The following MSI2 variants were observed in gnomAD, a reference collection of about 807,000 sequenced individuals.
MSI2 encodes the protein RNA-binding protein Musashi homolog 2.
A neutral mutation model predicts 45.6 loss-of-function variants in MSI2; 17 were observed. The observed-to-expected ratio is 0.37, with a 90% CI of 0.26 to 0.56. The LOEUF (loss-of-function observed/expected upper bound fraction) is 0.56. Among genes scored for constraint, MSI2 ranks in the 20% least tolerant of loss-of-function variants. MSI2 has a pLI of 0.77. For synonymous variants in MSI2, 156 were observed against 158.2 expected, an observed-to-expected ratio of 0.99 and a Z score of 0.11; for missense variants, 293 against 444.2, an observed-to-expected ratio of 0.66 and a Z score of 3.06.
intron 7 of MSI2, among the ~76,000 whole-genome samples, chr17:57,558,287 G>T (rs892129329): frequency 3.3e-5 from 5 of 152,074 alleles, no homozygotes; most frequent in African/African-American, 1.2e-4. Context: ...TCTAAAAATG[G>T]CCCCGAGAAC....
At chr17:57,527,432 C>A (rs1035942880) in intron 6 of MSI2, among the ~76,000 whole-genome samples, 2 of 151,168 alleles carry the variant, frequency 1.3e-5, no homozygotes, top group Non-Finnish European at 2.9e-5. Flanking sequence ...GGTGGAACGG[C>A]TGTTGTGTGT....
chr17:57,566,911 A>G (rs565161337), intron 7 of MSI2, among the ~76,000 whole-genome samples: 21 of 152,332 alleles, frequency 1.4e-4, no homozygotes, highest in African/African-American at 3.8e-4. Flanking sequence ...GGGAGGTGGC[A>G]GGATTTAATA....
At chr17:57,440,110 T>C (rs991399562) in intron 6 of MSI2, among the ~76,000 whole-genome samples, 3 of 152,156 alleles carry the variant, frequency 2.0e-5, no homozygotes, top group African/African-American at 7.2e-5. Flanking sequence ...CTAGAAGCCA[T>C]GCAAGGCAGT....
intron 5 of MSI2, among the ~76,000 whole-genome samples, chr17:57,365,718 G>A (rs1320431162): frequency 5.9e-5 from 9 of 152,250 alleles, no homozygotes; most frequent in Non-Finnish European, 1.2e-4. Flanking sequence ...GAGAAAGGCT[G>A]GCAATGAGCA....
intron 5 of MSI2, among the ~76,000 whole-genome samples, chr17:57,320,471 G>C (rs80207263): frequency 0.047 from 7,202 of 152,226 alleles, 526 homozygotes; most frequent in African/African-American, 0.16. Context: ...TAGGTATGCT[G>C]GGGCTGTTTT....
Position 57,315,273 on chromosome 17 carries a change from A to C in MSI2, c.312+53081A>C, listed in dbSNP as rs958124987. Among the ~76,000 whole-genome samples, 4 of 152,130 alleles carry C rather than the reference A, an allele frequency of 2.6e-5. No homozygotes were observed. The East Asian group carries it at 7.7e-4, about 29-fold the overall frequency. ...TGTCCTGGTGTCCTTTGCCTGGGGC[A>C]GGTCAGGCGAGTAAAGGAGAAACAC... is the stretch of plus-strand genomic sequence containing the variant. On this transcript the variant is annotated intron_variant, in intron 5 of 13. Coordinates refer to ENST00000284073, the MANE Select transcript of MSI2 (RefSeq NM_138962.4).
intron 11 of MSI2, among the ~76,000 whole-genome samples, chr17:57,662,294 G>A (rs1912047385): frequency 6.6e-6 from 1 of 152,188 alleles, no homozygotes; most frequent in African/African-American, 2.4e-5. Context: ...TATAGGCTAA[G>A]AGGGTTCCAG....
intron 11 of MSI2, among the ~76,000 whole-genome samples, chr17:57,661,057 G>A (rs1352468682): frequency 6.6e-6 from 1 of 152,210 alleles, no homozygotes; most frequent in Non-Finnish European, 1.5e-5. Flanking sequence ...CGTGTACATT[G>A]TAAACACTCC....
chr17:57,263,438 C>G (rs554830235), intron 5 of MSI2: 23 of 152,194 alleles, frequency 1.5e-4, no homozygotes, highest in African/African-American at 5.3e-4. Context: ...TGGAATTGCC[C>G]TTATTGTTTT....
intron 5 of MSI2, among the ~76,000 whole-genome samples, chr17:57,306,678 G>A (rs1253108852): frequency 6.6e-6 from 1 of 152,236 alleles, no homozygotes; most frequent in Non-Finnish European, 1.5e-5. Context: ...TGTCATCGCT[G>A]TTCACATGCT....
intron 5 of MSI2, among the ~76,000 whole-genome samples, chr17:57,379,481 CTT>C (rs78899938): frequency 2.8e-4 from 38 of 134,638 alleles, no homozygotes; most frequent in Non-Finnish European, 3.4e-4. Flanking sequence ...TTTCTTTCTT[CTT>C]TTTTTTTTTT....
chr17:57,543,276 A>AG (rs59813540), intron 7 of MSI2, among the ~76,000 whole-genome samples: 36 of 152,250 alleles, frequency 2.4e-4, no homozygotes, highest in African/African-American at 6.5e-4. Flanking sequence ...CTGGCTTAAG[A>AG]GGGGGGGAAA....
chr17:57,592,179 A>G (rs1904900347), intron 7 of MSI2, among the ~76,000 whole-genome samples: 1 of 152,094 alleles, frequency 6.6e-6, no homozygotes, highest in Non-Finnish European at 1.5e-5. Context: ...CTCCAAAAAA[A>G]AAAAAAAGGC....
intron 5 of MSI2, among the ~76,000 whole-genome samples, chr17:57,302,901 GC>G (rs1409596464): frequency 5.3e-5 from 8 of 152,210 alleles, no homozygotes; most frequent in African/African-American, 1.9e-4. Context: ...TTGGGGGACA[GC>G]CCCAGGCAAA....
chr17:57,533,493 G>A (rs1427637511), intron 7 of MSI2, among the ~76,000 whole-genome samples: 1 of 152,190 alleles, frequency 6.6e-6, no homozygotes, highest in East Asian at 1.9e-4. Context: ...AAGAGACCTG[G>A]GATTGATGAG....
At chr17:57,260,521 A>G (rs1907209584) in intron 4 of MSI2, among the ~76,000 whole-genome samples, 2 of 152,124 alleles carry the variant, frequency 1.3e-5, no homozygotes, top group African/African-American at 4.8e-5. Flanking sequence ...CCCTCTGGGG[A>G]GTATTTATAA....
intron 6 of MSI2, among the ~76,000 whole-genome samples, chr17:57,482,219 C>T (rs887517568): frequency 6.6e-6 from 1 of 152,218 alleles, no homozygotes; most frequent in Non-Finnish European, 1.5e-5. Context: ...GAGTCAGAAT[C>T]TGTTTAAGAA....
chr17:57,312,077 G>A (rs1015407814), intron 5 of MSI2, among the ~76,000 whole-genome samples: 8 of 152,206 alleles, frequency 5.3e-5, no homozygotes, highest in Admixed American at 3.9e-4. Context: ...CTGTGTTCAG[G>A]TCGGAGACAG....
At chr17:57,551,849 A>ATTTT in intron 7 of MSI2, among the ~76,000 whole-genome samples, 1 of 152,116 alleles carries the variant, frequency 6.6e-6, no homozygotes, top group East Asian at 1.9e-4. Context: ...ACTAGAGGTG[A>ATTTT]TTTTATGTGC....
Sources: allele counts gnomAD v4.1 joint callset (sites outside exome capture counted in the v4.1 genomes callset), GRCh38; gene constraint gnomAD v4.1.1; transcripts MANE v1.5; gene names NCBI Gene and HGNC (gene_info 2026-07-23, HGNC 2026-07-21).